ALK: variants seen among roughly 807,000 people sequenced by gnomAD.
ALK encodes the protein ALK receptor tyrosine kinase.
A neutral mutation model predicts 163.1 loss-of-function variants in ALK; 74 were observed. The observed-to-expected ratio is 0.45, with a 90% confidence interval of 0.38 to 0.55. The LOEUF (loss-of-function observed/expected upper bound fraction) is 0.55. Among genes scored for constraint, ALK ranks in the 20% least tolerant of loss-of-function variants. ALK has a pLI of 0.00. For synonymous variants in ALK, 960 were observed against 843.2 expected, an observed-to-expected ratio of 1.14 and a Z score of -2.40; for missense variants, 2,063 against 2,105.3, an observed-to-expected ratio of 0.98 and a Z score of 0.39.
chr2:29,380,707 T>A (rs1668875584), intron 5 of ALK, among the ~76,000 whole-genome samples: 1 of 152,184 alleles, frequency 6.6e-6, no homozygotes, highest in African/African-American at 2.4e-5. Flanking sequence ...GTGTTGGGAT[T>A]ATAGGCATTA....
intron 1 of ALK, among the ~76,000 whole-genome samples, chr2:29,873,308 A>G (rs1311382803): frequency 1.3e-5 from 2 of 152,180 alleles, no homozygotes; most frequent in Non-Finnish European, 2.9e-5. Flanking sequence ...CCAGAGCCAG[A>G]ATGACATTTG....
intron 1 of ALK, among the ~76,000 whole-genome samples, chr2:29,800,110 G>T (rs1446362318): frequency 1.3e-5 from 2 of 152,242 alleles, no homozygotes; most frequent in Non-Finnish European, 2.9e-5. Context: ...ACACTCATTG[G>T]AGATGAAAGT....
chr2:29,774,209 C>A (rs975765503), intron 1 of ALK, among the ~76,000 whole-genome samples: 1 of 152,220 alleles, frequency 6.6e-6, no homozygotes, highest in East Asian at 1.9e-4. Flanking sequence ...TCTCTCCCCC[C>A]TGTTGCTTTG....
At chr2:29,217,265 GTT>G (rs991970288) in intron 23 of ALK, among the ~76,000 whole-genome samples, 3 of 148,698 alleles carry the variant, frequency 2.0e-5, no homozygotes, top group East Asian at 3.9e-4. Flanking sequence ...TGTGTGGTGT[GTT>G]TTTTGTGTGG....
intron 1 of ALK, among the ~76,000 whole-genome samples, chr2:29,744,201 C>A (rs1680143234): frequency 6.6e-6 from 1 of 152,190 alleles, no homozygotes; most frequent in African/African-American, 2.4e-5. Context: ...GGAGGAGCTA[C>A]TTGCCTAAGA....
At chr2:29,282,447 G>A (rs115984942) in intron 9 of ALK, among the ~76,000 whole-genome samples, 29 of 152,130 alleles carry the variant, frequency 1.9e-4, no homozygotes, top group Middle Eastern at 3.2e-3. Context: ...CATGTCAAAC[G>A]CAATCATGGC....
chr2:29,809,038 C>A (rs897648370), intron 1 of ALK, among the ~76,000 whole-genome samples: 2 of 152,216 alleles, frequency 1.3e-5, no homozygotes, highest in African/African-American at 4.8e-5. Flanking sequence ...GATTGCTTCA[C>A]CAAACCAGTG....
intron 11 of ALK, among the ~76,000 whole-genome samples, chr2:29,263,392 G>C (rs1053728934): frequency 6.6e-6 from 1 of 152,174 alleles, no homozygotes; most frequent in Non-Finnish European, 1.5e-5. Flanking sequence ...TCTCTACAAG[G>C]CCCTTGGAAT....
intron 12 of ALK, 40 bp from the exon 13 acceptor site, chr2:29,239,870 G>A (rs1664479397): frequency 6.3e-7 from 1 of 1,599,624 alleles, no homozygotes; most frequent in Non-Finnish European, 8.5e-7. Flanking sequence ...GCTGTGGTAT[G>A]AAGACTGTCC....
intron 1 of ALK, among the ~76,000 whole-genome samples, chr2:29,905,774 G>A (rs1333079639): frequency 2.6e-5 from 4 of 152,168 alleles, no homozygotes; most frequent in African/African-American, 7.2e-5. Context: ...GTCCAAGGGG[G>A]CTGGAGCATG....
intron 3 of ALK, among the ~76,000 whole-genome samples, chr2:29,570,189 A>G (rs760088664): frequency 4.6e-5 from 7 of 152,210 alleles, no homozygotes; most frequent in Non-Finnish European, 8.8e-5. Context: ...AACTCCTTAT[A>G]TCAAGGAAAC....
At chr2:29,550,332 A>G (rs947532561) in intron 3 of ALK, among the ~76,000 whole-genome samples, 3 of 151,758 alleles carry the variant, frequency 2.0e-5, no homozygotes, top group Admixed American at 6.6e-5. Flanking sequence ...CCCAGAGCCC[A>G]GGAGCTCCAT....
intron 1 of ALK, among the ~76,000 whole-genome samples, chr2:29,805,957 T>A (rs1200690555): frequency 6.6e-6 from 1 of 152,050 alleles, no homozygotes; most frequent in African/African-American, 2.4e-5. Flanking sequence ...ACCCAAACCA[T>A]AAGGAACTCA....
chr2:29,467,366 G>T (rs1671238512), intron 4 of ALK, among the ~76,000 whole-genome samples: 1 of 152,142 alleles, frequency 6.6e-6, no homozygotes, highest in Non-Finnish European at 1.5e-5. Context: ...CACTGTTGCT[G>T]GCCTTGGGAA....
chr2:29,368,242 T>C (rs920480050), intron 5 of ALK, among the ~76,000 whole-genome samples: 3 of 152,160 alleles, frequency 2.0e-5, no homozygotes, highest in South Asian at 2.1e-4. Flanking sequence ...TCATATGGAA[T>C]GAGATTGCCT....
At chr2:29,260,285 AT>A (rs1023160494) in intron 11 of ALK, among the ~76,000 whole-genome samples, 1 of 152,194 alleles carries the variant, frequency 6.6e-6, no homozygotes, top group Non-Finnish European at 1.5e-5. Flanking sequence ...CTTTTAGCTC[AT>A]TTTAAAACAG....
Position 29,436,888 on chromosome 2 carries a change from C to G in ALK, c.1155-53029G>C, listed in dbSNP as rs189416143. ...AGAAAATGGCTCTGGAATCCTTCCCCTCAAACCACTTAGGGAGCACAGGCC... is the reference window on the plus strand; with the variant it reads ...AGAAAATGGCTCTGGAATCCTTCCCGTCAAACCACTTAGGGAGCACAGGCC... On this transcript the variant is annotated intron_variant, in intron 4 of 28. Transcript: ENST00000389048. Among the ~76,000 whole-genome samples, 3 of 152,276 alleles carry G rather than the reference C, an allele frequency of 2.0e-5. No homozygotes were observed. In the East Asian group the frequency reaches 5.8e-4, roughly 29 times the overall value.
chr2:29,847,467 C>T (rs1166746862), intron 1 of ALK, among the ~76,000 whole-genome samples: 1 of 152,130 alleles, frequency 6.6e-6, no homozygotes, highest in Non-Finnish European at 1.5e-5. Context: ...GTTATAATTA[C>T]CCCGTGATGA....
At chr2:29,503,160 T>G (rs1190130448) in intron 4 of ALK, among the ~76,000 whole-genome samples, 1 of 152,226 alleles carries the variant, frequency 6.6e-6, no homozygotes, top group Non-Finnish European at 1.5e-5. Flanking sequence ...ACTATTTTGG[T>G]ATTTACTATT....
Sources: allele counts gnomAD v4.1 joint callset (sites outside exome capture counted in the v4.1 genomes callset), GRCh38; gene constraint gnomAD v4.1.1; transcripts MANE v1.5; gene names NCBI Gene and HGNC (gene_info 2026-07-23, HGNC 2026-07-21).